Variants in IDUA observed in about 807,000 individuals in gnomAD.
The protein encoded by IDUA is iduronidase alpha-L-.
Under a neutral mutation model 68.9 loss-of-function variants are expected in IDUA, and 65 were observed. That is an observed-to-expected ratio of 0.94 (90% CI 0.77 to 1.16). The LOEUF is 1.16. IDUA is among the 50% of genes most tolerant of loss of function. The pLI is 0.00. For missense variants in IDUA, 1,046 were observed against 938.0 expected (o/e 1.12, Z -1.50); for synonymous variants, 529 against 433.6 (o/e 1.22, Z -2.73).
At chr4:995,723 G>A (rs573740162) in intron 2 of IDUA, among the ~76,000 whole-genome samples, 22 of 152,210 alleles carry the variant, frequency 1.4e-4, no homozygotes, top group Non-Finnish European at 3.1e-4. Context: ...CCGGAGGGAG[G>A]AGACCCTGGA....
intron 2 of IDUA, chr4:990,673 G>T: frequency 2.2e-6 from 1 of 453,536 alleles, no homozygotes; most frequent in African/African-American, 2.0e-5. Flanking sequence ...GTATCAGAAG[G>T]CAACCCCTTC....
chr4:1,003,329 C>G lies in IDUA; in HGVS notation c.1525-16C>G, dbSNP rs941426443. 1 of 1,448,042 alleles carries G rather than the reference C, an allele frequency of 6.9e-7. No individual in the cohort carries two copies. The highest frequency in any genetic ancestry group is 3.0e-5 in the East Asian group (1 of 33,840). The allele number at this position is 1,448,042 out of a possible 1,614,324, so 89.7% of individuals were successfully genotyped here. Reference sequence around the variant, plus strand: ...AGCTCCCCTGGAGAACCCTGAGGACCGGCCACTGCGCCCAGGACCCGGTGG... The same window carrying G: ...AGCTCCCCTGGAGAACCCTGAGGACGGGCCACTGCGCCCAGGACCCGGTGG... On this transcript the variant is annotated splice_polypyrimidine_tract_variant and intron_variant, in intron 10 of 13. Coordinates refer to ENST00000514224, the MANE Select transcript of IDUA (RefSeq NM_000203.5).
At chr4:1,003,672 C>G in intron 12 of IDUA, 47 bp downstream of exon 12, 1 of 1,591,592 alleles carries the variant, frequency 6.3e-7, no homozygotes. Context: ...CTAGGCAGGT[C>G]CCTGGGTCCC....
rs766574778 is a variant in IDUA, at chr4:1,001,692, C to G, written c.603C>G (p.Tyr201Ter). ...VSMTMQGFLN[Y>*]YDACSEGLRA... The stretch of plus-strand genomic sequence containing the variant: ...CCCCCGGCCCAGGCTTCCTGAACTA[C>G]TACGATGCCTGCTCGGAGGGTCTGC... Residue 201 changes from tyrosine (Y) to a stop codon, truncating the protein, a stop_gained, in exon 6 of 14, where the codon TAC becomes TAG. Coordinates refer to ENST00000514224, the MANE Select transcript of IDUA (RefSeq NM_000203.5). LOFTEE classifies it high-confidence loss of function. 1 of 1,601,054 alleles carries G rather than the reference C, an allele frequency of 6.2e-7. No individual in the cohort carries two copies. Among genetic ancestry groups the G allele is most frequent in the Non-Finnish European group, 8.5e-7 (1 of 1,179,052 alleles).
chr4:988,605 C>T, intron 2 of IDUA: 1 of 1,373,474 alleles, frequency 7.3e-7, no homozygotes, highest in Non-Finnish European at 9.4e-7. Context: ...CACTGTGGGC[C>T]AGCCTGTCTC....
In IDUA at chr4:990,657, C is replaced by A. The variant is rs919334310; in HGVS notation, c.299+2708C>A. 4.3e-5 allele frequency: 20 copies of A among 467,666 alleles called. No homozygotes were observed. The East Asian group carries it at 7.4e-4, about 17-fold the overall frequency. 29.0% of individuals were successfully genotyped at this position (467,666 alleles called of 1,614,324 possible). On this transcript the variant is annotated intron_variant, in intron 2 of 13. Transcript: ENST00000514224. Reference sequence around the variant, plus strand: ...AGCCCGTTTTATTTCAGAATTAAGACCTCTGGTATCAGAAGGCAACCCCTT... The same window carrying A: ...AGCCCGTTTTATTTCAGAATTAAGAACTCTGGTATCAGAAGGCAACCCCTT...
At chr4:988,457 TG>T in intron 2 of IDUA, 1 of 1,102,066 alleles carries the variant, frequency 9.1e-7, no homozygotes, top group Non-Finnish European at 1.1e-6. Flanking sequence ...CGGGCAGGCC[TG>T]GGCATAGGGA....
chr4:988,975 T>G (rs766332951), intron 2 of IDUA: 1 of 1,596,466 alleles, frequency 6.3e-7, no homozygotes, highest in East Asian at 2.3e-5. Context: ...GCTCAGAATG[T>G]CTCTCACAGG....
chr4:989,449 G>A lies in IDUA; in HGVS notation c.299+1500G>A, dbSNP rs749932178. 112 of 1,553,942 alleles carry A rather than the reference G, an allele frequency of 7.2e-5. No individual in the cohort carries two copies. In the Admixed American group the frequency reaches 9.6e-4, roughly 13 times the overall value. On this transcript the variant is annotated intron_variant, in intron 2 of 13. Transcript: ENST00000514224. ...GGTGCGGCCGGCCAGGCTGAGCAGC[G>A]AGAGGATGACGCCAGCCAGCAGCCC...
At chr4:988,778 C>T (rs568626183) in intron 2 of IDUA, 24 of 1,471,540 alleles carry the variant, frequency 1.6e-5, no homozygotes, top group African/African-American at 1.6e-4. Context: ...GGCTTGCAGA[C>T]GTCTGCTGTG....
intron 2 of IDUA, chr4:992,852 A>T (rs542696149): frequency 6.6e-6 from 1 of 152,344 alleles, no homozygotes; most frequent in East Asian, 1.9e-4. Context: ...CATTCTTCTC[A>T]GCGACGTTAG....
At chr4:987,730 C>T in intron 1 of IDUA, 79 bp from the exon 2 acceptor site, 1 of 1,597,806 alleles carries the variant, frequency 6.3e-7, no homozygotes, top group Non-Finnish European at 8.5e-7. Flanking sequence ...CCGGGCAGTC[C>T]TGGGCTTGAA....
In IDUA at chr4:1,004,403, G is replaced by T; in HGVS notation, c.*10G>T. On this transcript the variant is annotated 3_prime_UTR_variant, in exon 14 of 14. Coordinates refer to ENST00000514224, the MANE Select transcript of IDUA (RefSeq NM_000203.5). This position sits in a 1 kb window ranked among gnomAD's most constrained non-coding sequence, Gnocchi z 5.0. ...CCCGGGCAATCCATGAGCCTGTGCTGAGCCCCAGTGGGTTGCACCTCCACC... is the reference window on the plus strand; with the variant it reads ...CCCGGGCAATCCATGAGCCTGTGCTTAGCCCCAGTGGGTTGCACCTCCACC... 1.2e-6 allele frequency: 2 copies of T among 1,609,526 alleles called. No homozygotes were observed. The highest frequency in any genetic ancestry group is 1.7e-6 in the Non-Finnish European group (2 of 1,179,922).
intron 4 of IDUA, 69 bp downstream of exon 4, chr4:1,001,058 A>G: frequency 9.4e-7 from 1 of 1,069,386 alleles, no homozygotes; most frequent in Non-Finnish European, 1.4e-6. Context: ...CACCCCTATC[A>G]CGCAGGCTGC....
At position 999,355 on chromosome 4, in the gene IDUA, C is replaced by T. The variant is rs142594310; in HGVS notation, c.300-1257C>T. On this transcript the variant is annotated intron_variant, in intron 2 of 13. Coordinates refer to ENST00000514224, the MANE Select transcript of IDUA (RefSeq NM_000203.5). Reference sequence around the variant, plus strand: ...AGCCTCATATCCCATGATATCCACCCTTATTCTGTCTCAGGCCCACCAGCT... The same window carrying T: ...AGCCTCATATCCCATGATATCCACCTTTATTCTGTCTCAGGCCCACCAGCT... Among the ~76,000 whole-genome samples, 1,370 of 152,292 alleles carry T rather than the reference C, an allele frequency of 9.0e-3. 24 individuals are homozygous for T. Among genetic ancestry groups the T allele is most frequent in the African/African-American group, 0.031 (1,298 of 41,556 alleles).
Position 1,002,761 on chromosome 4 carries a change from CAGGCCGGGACCGTCCTG to C in IDUA, c.1220_1236del (p.Gln407ArgfsTer96). ...GGAGCAGCTCTGGGCCGAAGTGTCG[CAGGCCGGGACCGTCCTG>C]GACAGCAACCACACGGTGGGCGTCC... On this transcript the variant is annotated frameshift_variant, in exon 9 of 14. Coordinates refer to ENST00000514224, the MANE Select transcript of IDUA (RefSeq NM_000203.5). LOFTEE classifies it high-confidence loss of function. 2 of 1,482,376 alleles carry C rather than the reference CAGGCCGGGACCGTCCTG, an allele frequency of 1.3e-6. No homozygotes were observed. The highest frequency in any genetic ancestry group is 2.6e-5 in the South Asian group (2 of 78,092). 91.8% of individuals were successfully genotyped at this position (1,482,376 alleles called of 1,614,324 possible).
At chr4:996,570 C>G (rs888161105) in intron 2 of IDUA, among the ~76,000 whole-genome samples, 7 of 152,144 alleles carry the variant, frequency 4.6e-5, no homozygotes, top group African/African-American at 1.7e-4. Context: ...GAGCGTAGTT[C>G]AGGAACAGCC....
Position 1,002,927 on chromosome 4 carries a change from G to A in IDUA, c.1385G>A (p.Gly462Glu), listed in dbSNP as rs1715194056. Residue 462 changes from glycine (G) to glutamate (E), a missense_variant, in exon 9 of 14, where the codon GGG (glycine) becomes GAG (glutamate). Physicochemically the swap from Gly to Glu is moderately conservative, Grantham distance 98. Coordinates refer to ENST00000514224, the MANE Select transcript of IDUA (RefSeq NM_000203.5). ...RSVAVTLRLR[G>E]VPPGPGLVYV... The stretch of plus-strand genomic sequence containing the variant: ...GTCGCGGTGACCCTGCGGCTGCGCG[G>A]GGTGCCCCCCGGCCCGGGTAAGCCG... 7.3e-7 allele frequency: 1 copy of A among 1,362,996 alleles called. No homozygotes were observed. The highest frequency in any genetic ancestry group is 1.8e-5 in the South Asian group (1 of 56,432). 84.4% of individuals were successfully genotyped at this position (1,362,996 alleles called of 1,614,324 possible). A position where few individuals can be genotyped will look rare whatever the true frequency, so the allele number is the denominator to read the frequency against.
chr4:987,020 C>T (rs919162704), upstream of IDUA: 2 of 1,467,946 alleles, frequency 1.4e-6, no homozygotes, highest in Non-Finnish European at 1.8e-6. Flanking sequence ...CGCGCCCAGA[C>T]TCCGACCCGG....
Sources: allele counts gnomAD v4.1 joint callset (sites outside exome capture counted in the v4.1 genomes callset), GRCh38; gene constraint gnomAD v4.1.1; non-coding constraint Gnocchi (gnomAD v3.1); transcripts MANE v1.5; gene names NCBI Gene and HGNC (gene_info 2026-07-23, HGNC 2026-07-21).